OGA: variants seen among roughly 807,000 people sequenced by gnomAD.
OGA encodes protein O-GlcNAcase.
OGA carries 21 observed loss-of-function variants against 102.0 expected under a neutral mutation model. The ratio of observed to expected loss-of-function variants is 0.21; its 90% CI spans 0.15 to 0.30. The LOEUF (loss-of-function observed/expected upper bound fraction) is 0.30, where lower values mean the gene tolerates loss of function less well. Ranked by LOEUF, OGA falls within the 10% of genes least tolerant of loss-of-function variation. The probability of loss-of-function intolerance (pLI) is 1.00; values close to 1 mark genes in which losing one functional copy is unlikely to be tolerated. For synonymous variants in OGA, 408 were observed against 378.2 expected (o/e 1.08, Z -0.91); for missense variants, 765 against 1,107.8 (o/e 0.69, Z 4.39).
At chr10:101,814,925 C>T (rs1019491896) in intron 1 of OGA, among the ~76,000 whole-genome samples, 1 of 152,204 alleles carries the variant, frequency 6.6e-6, no homozygotes, top group African/African-American at 2.4e-5. Context: ...CCCTAGTGTG[C>T]TCATCACAGC....
chr10:101,798,442 C>T (rs1357231534), intron 9 of OGA, among the ~76,000 whole-genome samples: 1 of 148,614 alleles, frequency 6.7e-6, no homozygotes, highest in Admixed American at 6.7e-5. Flanking sequence ...GACAGTTTCC[C>T]TCTCGTCACC....
rs139847046 is a variant in OGA at position 101,808,002 on chromosome 10, A to T, written c.481-101T>A. 6.8e-5 allele frequency: 65 copies of T among 962,632 alleles called. No homozygotes were observed. The East Asian group carries it at 1.8e-3, about 26-fold the overall frequency. The allele number at this position is 962,632 out of a possible 1,614,324, so 59.6% of individuals were successfully genotyped here. A position where few individuals can be genotyped will look rare whatever the true frequency, so the allele number is the denominator to read the frequency against. ...CTTAAAATCCAGTATTTTCCTTACTAGAATGTTCAAAGACAGATTTATTGT... is the reference window on the plus strand; with the variant it reads ...CTTAAAATCCAGTATTTTCCTTACTTGAATGTTCAAAGACAGATTTATTGT... On this transcript the variant is annotated intron_variant, in intron 4 of 15. Coordinates refer to ENST00000361464, the MANE Select transcript of OGA (RefSeq NM_012215.5).
In OGA at chr10:101,796,045, A is replaced by G. The variant is rs898774719; in HGVS notation, c.1984+1935T>C. On this transcript the variant is annotated intron_variant, in intron 10 of 15. Transcript: ENST00000361464. ...TAATAATTCTTAAATTAAAAACTGA[A>G]TATCAAATGTTTTCTGTAATACATT... 4.5e-5 allele frequency: 15 copies of G among 332,874 alleles called. No individual in the cohort carries two copies. The South Asian group carries it at 4.8e-4, about 11-fold the overall frequency. The allele number at this position is 332,874 out of a possible 1,614,324, so 20.6% of individuals were successfully genotyped here.
chr10:101,813,175 G>T, intron 2 of OGA, 48 bp from the exon 3 acceptor site: 2 of 1,214,488 alleles, frequency 1.6e-6, no homozygotes, highest in Non-Finnish European at 2.4e-6. Context: ...AACATTCATA[G>T]GCTGTCAATC....
chr10:101,798,221 C>A, intron 9 of OGA, 67 bp from the exon 10 acceptor site: 1 of 1,455,050 alleles, frequency 6.9e-7, no homozygotes, highest in South Asian at 1.2e-5. Flanking sequence ...GACACAGTTA[C>A]ACATTAAGCT....
At chr10:101,811,406 GAAAAAAAAA>G (rs67433227) in intron 3 of OGA, among the ~76,000 whole-genome samples, 22 of 45,688 alleles carry the variant, frequency 4.8e-4, no homozygotes, top group South Asian at 2.5e-3. Context: ...GAAAAAAAAT[GAAAAAAAAA>G]AAAAAAAAAA....
rs745870067 is a variant in OGA, at chr10:101,791,085, T to C, written c.2265A>G (p.Leu755=). Reference sequence around the variant, plus strand: ...GGCTGAGGGAAAGCAGCCCTCCTACTAACCTGCTCAGAAGGAAAGAGGCCA... The same window carrying C: ...GGCTGAGGGAAAGCAGCCCTCCTACCAACCTGCTCAGAAGGAAAGAGGCCA... ...QSQPDLIGDK[L]VGGLLSLSLD... Residue 755 remains leucine, a synonymous_variant, in exon 14 of 16, where the codon TTA becomes TTG. Coordinates refer to ENST00000361464, the MANE Select transcript of OGA (RefSeq NM_012215.5). 15 of 1,597,100 alleles carry C rather than the reference T, an allele frequency of 9.4e-6. No homozygotes were observed. Among genetic ancestry groups the C allele is most frequent in the Non-Finnish European group, 1.2e-5 (14 of 1,175,412 alleles).
chr10:101,800,794 A>C (rs1440575642), intron 7 of OGA, among the ~76,000 whole-genome samples: 2 of 80,152 alleles, frequency 2.5e-5, no homozygotes, highest in Admixed American at 3.2e-4. Context: ...TTTTTTTTTG[A>C]GATGGAGTCT....
chr10:101,815,184 G>C (rs539307962), intron 1 of OGA, among the ~76,000 whole-genome samples: 1 of 152,238 alleles, frequency 6.6e-6, no homozygotes, highest in Non-Finnish European at 1.5e-5. Flanking sequence ...AAAGGACAAT[G>C]ACAGACCAAA....
intron 10 of OGA, among the ~76,000 whole-genome samples, chr10:101,795,418 G>T (rs2065302835): frequency 6.6e-6 from 1 of 152,158 alleles, no homozygotes; most frequent in Non-Finnish European, 1.5e-5. Context: ...ATCATGACGC[G>T]CTGTGAACAT....
At position 101,799,064 on chromosome 10, in the gene OGA, A is replaced by G; in HGVS notation, c.1587T>C (p.Thr529=). Residue 529 remains threonine, a synonymous_variant, in exon 9 of 16, where the codon ACT becomes ACC. Coordinates refer to ENST00000361464, the MANE Select transcript of OGA (RefSeq NM_012215.5). The part of the protein sequence containing the change: ...DCISDIAPMQ[T]DEQTNKEQFV... ...ACTGCTCCTTGTTTGTCTGTTCATC[A>G]GTTTGCATGGGGGCAATGTCACTAA... 2 of 1,614,200 alleles carry G rather than the reference A, an allele frequency of 1.2e-6. No homozygotes were observed. The highest frequency in any genetic ancestry group is 1.7e-6 in the Non-Finnish European group (2 of 1,180,038).
chr10:101,795,425 A>G (rs1589826918), intron 10 of OGA, among the ~76,000 whole-genome samples: 1 of 152,238 alleles, frequency 6.6e-6, no homozygotes, highest in African/African-American at 2.4e-5. Context: ...CGCGCTGTGA[A>G]CATCTGCCGC....
chr10:101,799,022 A>G lies in OGA; in HGVS notation c.1629T>C (p.Asn543=), dbSNP rs1347812508. 23 of 1,614,166 alleles carry G rather than the reference A, an allele frequency of 1.4e-5. No homozygotes were observed. The highest frequency in any genetic ancestry group is 1.9e-5 in the Non-Finnish European group (23 of 1,180,034). The change falls in exon 9 of 16, where the codon AAT becomes AAC. Residue 543 remains asparagine (N), a synonymous_variant. Transcript: ENST00000361464. ...GTTCCGCAGTGTACAAAGGCTTTTC[A>G]TTTGGACCTGGCACAAACTGCTCCT... ...TNKEQFVPGP[N]EKPLYTAEPV...
intron 6 of OGA, among the ~76,000 whole-genome samples, chr10:101,805,437 C>T (rs1281985913): frequency 6.6e-6 from 1 of 150,816 alleles, no homozygotes; most frequent in Non-Finnish European, 1.5e-5. Context: ...GGCAGATCAC[C>T]TGAGGTCGGG....
intron 3 of OGA, chr10:101,812,714 GGCCTA>G: frequency 2.6e-6 from 1 of 390,102 alleles, no homozygotes; most frequent in South Asian, 2.4e-5. Flanking sequence ...CCTTGCCCTG[GGCCTA>G]GCCCAGCTCC....
chr10:101,816,064 T>C lies in OGA; in HGVS notation c.199+1760A>G, dbSNP rs79614990. ...AGGCGGGCGGACTGCCTGAGCTCCG[T>C]AGGTGGAAACCTGCCTGGGCAACAC... On this transcript the variant is annotated intron_variant, in intron 1 of 15. Transcript: ENST00000361464. 6.5e-3 allele frequency among the ~76,000 whole-genome samples: 953 copies of C among 146,152 alleles called. 34 individuals carry two copies. The highest frequency in any genetic ancestry group is 0.046 in the Admixed American group (679 of 14,742).
At chr10:101,799,481 TA>T (rs750470309) in intron 8 of OGA, 26 bp from the exon 9 acceptor site, 1 of 1,585,474 alleles carries the variant, frequency 6.3e-7, no homozygotes, top group Admixed American at 1.8e-5. Flanking sequence ...AATGTATAAA[TA>T]AAATGGTCAC....
intron 1 of OGA, among the ~76,000 whole-genome samples, chr10:101,815,275 A>G (rs899736895): frequency 6.6e-5 from 10 of 151,632 alleles, no homozygotes; most frequent in African/African-American, 1.9e-4. Context: ...AAGTGATACA[A>G]AATATTCTTT....
Position 101,784,718 on chromosome 10 carries a change from T to G in OGA, c.*1733A>C, listed in dbSNP as rs557535453. ...ACTTGCTAAAAAATCCTGAATTCCA[T>G]GAGGTTAACTCTGAAATCCTCCAAA... On this transcript the variant is annotated 3_prime_UTR_variant, in exon 16 of 16. Coordinates refer to ENST00000361464, the MANE Select transcript of OGA (RefSeq NM_012215.5). 6.6e-6 allele frequency: 1 copy of G among 152,326 alleles called. No individual in the cohort carries two copies. 9.4% of individuals were successfully genotyped at this position (152,326 alleles called of 1,614,324 possible).
Sources: gnomAD v4.1 joint callset for allele counts (sites outside exome capture counted in the v4.1 genomes callset) on GRCh38, gnomAD v4.1.1 for gene constraint, MANE v1.5 for transcripts, NCBI Gene and HGNC (gene_info 2026-07-23, HGNC 2026-07-21) for gene names.